CNTN3: variants seen among roughly 807,000 people sequenced by gnomAD.
CNTN3 encodes contactin 3.
A neutral mutation model predicts 119.1 loss-of-function variants in CNTN3; 60 were observed. That is an observed-to-expected ratio of 0.50 (90% CI 0.41 to 0.62). CNTN3 has a LOEUF of 0.62. CNTN3 is among the 20% of genes least tolerant of loss of function. The pLI is 0.00. For missense variants in CNTN3, 1,101 were observed against 1,242.4 expected (o/e 0.89, Z 1.71); for synonymous variants, 450 against 438.7 (o/e 1.03, Z -0.32).
intron 11 of CNTN3, 24 bp downstream of exon 11, chr3:74,361,866 C>G (rs1025834915): frequency 6.3e-7 from 1 of 1,579,752 alleles, no homozygotes; most frequent in Non-Finnish European, 8.6e-7. Flanking sequence ...AAGTAAATGA[C>G]CACTTTTCTG....
At chr3:74,507,548 C>T (rs1472756222) in intron 2 of CNTN3, among the ~76,000 whole-genome samples, 1 of 151,772 alleles carries the variant, frequency 6.6e-6, no homozygotes. Context: ...GAAGCCAGCA[C>T]TGTGTTTGTA....
chr3:74,333,109 T>C (rs1326610063), intron 13 of CNTN3, among the ~76,000 whole-genome samples: 1 of 152,240 alleles, frequency 6.6e-6, no homozygotes, highest in Non-Finnish European at 1.5e-5. Flanking sequence ...TCTCAAAGGC[T>C]GTGAATCAGT....
At chr3:74,477,430 C>G (rs901259023) in intron 4 of CNTN3, among the ~76,000 whole-genome samples, 4 of 152,060 alleles carry the variant, frequency 2.6e-5, no homozygotes, top group African/African-American at 9.7e-5. Context: ...AAGAGGGACT[C>G]AGTAAAAGGA....
At chr3:74,599,216 C>T (rs922082381) in intron 1 of CNTN3, among the ~76,000 whole-genome samples, 3 of 152,028 alleles carry the variant, frequency 2.0e-5, no homozygotes, top group African/African-American at 7.2e-5. Flanking sequence ...TACTCTATGC[C>T]AGGCACTGGG....
intron 4 of CNTN3, among the ~76,000 whole-genome samples, chr3:74,454,776 A>G (rs573394120): frequency 6.6e-6 from 1 of 152,104 alleles, no homozygotes; most frequent in African/African-American, 2.4e-5. Flanking sequence ...TATGAAGCTT[A>G]GTTTGGCTGG....
At chr3:74,354,669 C>T (rs1703895963) in intron 11 of CNTN3, among the ~76,000 whole-genome samples, 1 of 151,894 alleles carries the variant, frequency 6.6e-6, no homozygotes, top group Admixed American at 6.6e-5. Flanking sequence ...AAAAAAAGCA[C>T]AATAACTTTA....
intron 13 of CNTN3, among the ~76,000 whole-genome samples, chr3:74,331,619 C>T (rs1459436511): frequency 6.6e-6 from 1 of 152,186 alleles, no homozygotes; most frequent in East Asian, 1.9e-4. Flanking sequence ...ACAAATCCAC[C>T]TCTTCCGAAA....
intron 3 of CNTN3, among the ~76,000 whole-genome samples, chr3:74,490,845 T>C (rs531504448): frequency 5.3e-4 from 80 of 152,340 alleles, no homozygotes; most frequent in African/African-American, 1.8e-3. Context: ...GTAAACTCTT[T>C]AGAGCTAAAA....
chr3:74,504,555 T>A (rs936330630), intron 2 of CNTN3, among the ~76,000 whole-genome samples: 3 of 152,284 alleles, frequency 2.0e-5, no homozygotes, highest in Admixed American at 6.5e-5. Flanking sequence ...AAAATTCCAT[T>A]TATATGCTTC....
rs1381213251 is a variant in CNTN3, at chr3:74,341,537, AC to A, written c.1365-4880del. 2.0e-5 allele frequency among the ~76,000 whole-genome samples: 3 copies of A among 152,242 alleles called. No homozygotes were observed. In the East Asian group the frequency reaches 5.8e-4, roughly 29 times the overall value. On this transcript the variant is annotated intron_variant, in intron 11 of 22. Transcript: ENST00000263665. ...AACTCCTTGATCAGTTTTATAATAT[AC>A]TTTTATTTGTACCTTTTTATTGGTA...
intron 20 of CNTN3, among the ~76,000 whole-genome samples, chr3:74,282,074 T>G (rs1702024486): frequency 6.6e-6 from 1 of 152,214 alleles, no homozygotes; most frequent in African/African-American, 2.4e-5. Context: ...CATCAGTCCC[T>G]TGAGATGAAA....
At chr3:74,287,099 T>C (rs1275382681) in intron 19 of CNTN3, among the ~76,000 whole-genome samples, 1 of 152,234 alleles carries the variant, frequency 6.6e-6, no homozygotes, top group Non-Finnish European at 1.5e-5. Context: ...CTCCTTCCTA[T>C]GGCAGAGATT....
At chr3:74,388,333 T>A (rs1044184319) in intron 5 of CNTN3, among the ~76,000 whole-genome samples, 2 of 152,210 alleles carry the variant, frequency 1.3e-5, no homozygotes, top group African/African-American at 4.8e-5. Context: ...AGAATATTAA[T>A]TATGTAATTC....
chr3:74,408,043 G>A (rs1218471544), intron 5 of CNTN3, among the ~76,000 whole-genome samples: 1 of 152,132 alleles, frequency 6.6e-6, no homozygotes, highest in Non-Finnish European at 1.5e-5. Flanking sequence ...AGCCAGAATG[G>A]CCCAGACAAT....
chr3:74,347,038 A>C (rs1703708180), intron 11 of CNTN3, among the ~76,000 whole-genome samples: 1 of 152,190 alleles, frequency 6.6e-6, no homozygotes, highest in Admixed American at 6.5e-5. Context: ...TTGAGTACTT[A>C]AAATGCAGTA....
intron 4 of CNTN3, among the ~76,000 whole-genome samples, chr3:74,472,337 C>T (rs764407483): frequency 6.6e-5 from 10 of 152,164 alleles, no homozygotes; most frequent in Non-Finnish European, 1.3e-4. Context: ...CACATATATG[C>T]ACCTTAAAAA....
chr3:74,336,234 C>T (rs1703392607), intron 12 of CNTN3, among the ~76,000 whole-genome samples: 1 of 151,836 alleles, frequency 6.6e-6, no homozygotes, highest in African/African-American at 2.4e-5. Context: ...TCCTAAAGAC[C>T]TGACATAATA....
chr3:74,346,578 C>T (rs1400562127), intron 11 of CNTN3, among the ~76,000 whole-genome samples: 1 of 152,120 alleles, frequency 6.6e-6, no homozygotes, highest in Admixed American at 6.5e-5. Context: ...AAATTTACCT[C>T]AGTGTAACAA....
At chr3:74,576,377 A>G (rs565944617) in intron 1 of CNTN3, among the ~76,000 whole-genome samples, 1 of 152,322 alleles carries the variant, frequency 6.6e-6, no homozygotes, top group African/African-American at 2.4e-5. Flanking sequence ...AAAATATTCA[A>G]TGTTACAGAT....
Sources: allele counts gnomAD v4.1 joint callset (sites outside exome capture counted in the v4.1 genomes callset), GRCh38; gene constraint gnomAD v4.1.1; transcripts MANE v1.5; gene names NCBI Gene and HGNC (gene_info 2026-07-23, HGNC 2026-07-21).